OPHN1: variants seen among roughly 807,000 people sequenced by gnomAD.
The protein encoded by OPHN1 is oligophrenin 1.
OPHN1 carries 11 observed loss-of-function variants against 60.7 expected under a neutral mutation model. The observed-to-expected ratio is 0.18, with a 90% confidence interval of 0.11 to 0.30. OPHN1 has a LOEUF of 0.30. Ranked by LOEUF, OPHN1 falls within the 10% of genes least tolerant of loss-of-function variation. OPHN1 has a pLI of 1.00. For synonymous variants in OPHN1, 226 were observed against 222.6 expected, an observed-to-expected ratio of 1.02 and a Z score of -0.14; for missense variants, 449 against 611.0, an observed-to-expected ratio of 0.73 and a Z score of 2.80.
At chrX:68,288,270 T>G (rs943991894) in intron 3 of OPHN1, among the ~76,000 whole-genome samples, 1 of 111,671 alleles carries the variant, frequency 9.0e-6, no homozygotes, top group African/African-American at 3.3e-5. Flanking sequence ...GGAACTGACT[T>G]GTTCAAGGTC....
chrX:68,219,760 C>A (rs1475200522), intron 6 of OPHN1, among the ~76,000 whole-genome samples: 1 of 105,363 alleles, frequency 9.5e-6, no homozygotes, highest in Non-Finnish European at 2.0e-5. Flanking sequence ...ATACCAGAAT[C>A]TCTGGGATGC....
intron 2 of OPHN1, among the ~76,000 whole-genome samples, chrX:68,318,986 A>G (rs1317446766): frequency 9.0e-6 from 1 of 111,730 alleles, no homozygotes; most frequent in Non-Finnish European, 1.9e-5. Flanking sequence ...ACAGGTATAC[A>G]CTATCAACAT....
intron 4 of OPHN1, among the ~76,000 whole-genome samples, chrX:68,281,298 A>G (rs1021686424): frequency 4.5e-5 from 5 of 112,170 alleles, no homozygotes; most frequent in Non-Finnish European, 9.4e-5. Context: ...TCTTTGATAA[A>G]GGACAAAAGG....
intron 15 of OPHN1, among the ~76,000 whole-genome samples, chrX:68,152,612 T>C (rs2077289824): frequency 9.2e-6 from 1 of 109,283 alleles, no homozygotes; most frequent in Non-Finnish European, 1.9e-5. Context: ...CCAGCTAATT[T>C]TTGTATTATT....
chrX:68,206,529 G>T (rs373341757), intron 10 of OPHN1, 44 bp downstream of exon 10: 19 of 928,740 alleles, frequency 2.0e-5, no homozygotes, highest in Non-Finnish European at 2.8e-5. Flanking sequence ...CTGAGAAACA[G>T]TCATAGATCC....
chrX:68,313,658 G>T (rs2078184604), intron 2 of OPHN1, among the ~76,000 whole-genome samples: 1 of 111,734 alleles, frequency 8.9e-6, no homozygotes, highest in Non-Finnish European at 1.9e-5. Flanking sequence ...TTGAACTCAT[G>T]AAGATGGAGA....
At position 68,119,325 on chromosome X, in the gene OPHN1, T is replaced by C. The variant is rs753595551; in HGVS notation, c.1284A>G (p.Lys428=). The part of the protein sequence containing the change: ...QKLLNAFFDP[K]CPGDVDFHNS... ...TATGAAAATCAACATCTCCTGGGCA[T>C]TTAGGATCTATTTGAGAAAAGTAAA... Residue 428 remains lysine (K), a synonymous_variant, in exon 16 of 25, where the codon AAA becomes AAG. Transcript: ENST00000355520. The C allele has an allele frequency of 1.7e-6, 2 of 1,177,548 alleles. No individual in the cohort carries two copies. The highest frequency in any genetic ancestry group is 5.9e-5 in the East Asian group (2 of 33,680).
At chrX:68,123,303 C>T (rs2077157346) in intron 15 of OPHN1, among the ~76,000 whole-genome samples, 1 of 111,577 alleles carries the variant, frequency 9.0e-6, no homozygotes, top group African/African-American at 3.3e-5. Flanking sequence ...TCATCAATAG[C>T]AGATCTATCT....
chrX:68,314,853 G>A (rs2078191355), intron 2 of OPHN1, among the ~76,000 whole-genome samples: 1 of 109,163 alleles, frequency 9.2e-6, no homozygotes, highest in African/African-American at 3.3e-5. Flanking sequence ...GGGCATGGTG[G>A]CACATGCATA....
rs139722696 is a variant in OPHN1 at position 68,340,151 on chromosome X, C to T, written c.155-41055G>A. 3.7e-3 allele frequency among the ~76,000 whole-genome samples: 415 copies of T among 112,062 alleles called. 2 individuals carry two copies. The highest frequency in any genetic ancestry group is 0.013 in the African/African-American group (397 of 30,941). On this transcript the variant is annotated intron_variant, in intron 2 of 24. Coordinates refer to ENST00000355520, the MANE Select transcript of OPHN1 (RefSeq NM_002547.3). ...GGAAATATTCCCTCAAATTGTTCTA[C>T]GGATTTAACTGCAATGTCTAACAAA...
At chrX:68,210,492 G>A (rs1386456759) in intron 8 of OPHN1, among the ~76,000 whole-genome samples, 3 of 111,667 alleles carry the variant, frequency 2.7e-5, no homozygotes, top group Non-Finnish European at 3.8e-5. Context: ...AAAATATAAC[G>A]AGCAATATAC....
intron 23 of OPHN1, among the ~76,000 whole-genome samples, chrX:68,049,247 A>T (rs1383354502): frequency 8.9e-6 from 1 of 111,881 alleles, no homozygotes; most frequent in Admixed American, 9.5e-5. Flanking sequence ...CCCACTGAAC[A>T]TCTATCTCTA....
Position 68,093,104 on chromosome X carries a change from A to G in OPHN1, c.1686+3766T>C, listed in dbSNP as rs1277096824. On this transcript the variant is annotated intron_variant, in intron 19 of 24. Coordinates refer to ENST00000355520, the MANE Select transcript of OPHN1 (RefSeq NM_002547.3). ...TTACTATGTGGATGACCCTTCAGCA[A>G]CTCTTGCCTCAAAGTTCCTTAGCTC... 3.6e-5 allele frequency among the ~76,000 whole-genome samples: 4 copies of G among 110,741 alleles called. No individual in the cohort carries two copies. The South Asian group carries it at 1.5e-3, about 42-fold the overall frequency.
At chrX:68,057,503 A>C (rs2076877818) in intron 21 of OPHN1, among the ~76,000 whole-genome samples, 1 of 111,524 alleles carries the variant, frequency 9.0e-6, no homozygotes, top group Non-Finnish European at 1.9e-5. Context: ...TCTACCTGAA[A>C]CCATGCCTTG....
At chrX:68,204,319 G>A (rs747887289) in intron 10 of OPHN1, among the ~76,000 whole-genome samples, 4 of 111,695 alleles carry the variant, frequency 3.6e-5, no homozygotes, top group East Asian at 2.8e-4. Flanking sequence ...TGGGACCAAC[G>A]CTATAGTAAG....
intron 15 of OPHN1, among the ~76,000 whole-genome samples, chrX:68,163,370 T>C (rs1242117804): frequency 1.8e-5 from 2 of 110,593 alleles, no homozygotes; most frequent in Non-Finnish European, 3.8e-5. Flanking sequence ...ATGATGTTCA[T>C]CCATGTTGTC....
intron 3 of OPHN1, among the ~76,000 whole-genome samples, chrX:68,287,071 G>T (rs1406265984): frequency 1.1e-5 from 1 of 93,641 alleles, no homozygotes; most frequent in African/African-American, 4.3e-5. Flanking sequence ...AAGGAAGAAA[G>T]GAAGGAAGGA....
rs1355428325 is a variant in OPHN1, at chrX:68,176,964, T to TTATATATA, written c.1276+15947_1276+15954dup. 5.2e-4 allele frequency among the ~76,000 whole-genome samples: 40 copies of TTATATATA among 76,453 alleles called. 1 individual carries two copies. Among genetic ancestry groups the TTATATATA allele is most frequent in the Middle Eastern group, 6.8e-3 (1 of 148 alleles). 66.4% of individuals were successfully genotyped at this position (76,453 alleles called of 115,157 possible). A position where few individuals can be genotyped will look rare whatever the true frequency, so the allele number is the denominator to read the frequency against. On this transcript the variant is annotated intron_variant, in intron 15 of 24. Coordinates refer to ENST00000355520, the MANE Select transcript of OPHN1 (RefSeq NM_002547.3). ...AATGAATGAACAATACATATTGTTTTTATATATACATATATATATATATAT... is the reference window on the plus strand; with the variant it reads ...AATGAATGAACAATACATATTGTTTTTATATATATATATATACATATATATATATATAT...
At chrX:68,374,287 C>CAG (rs1218579791) in intron 2 of OPHN1, among the ~76,000 whole-genome samples, 1 of 103,667 alleles carries the variant, frequency 9.6e-6, no homozygotes, top group African/African-American at 3.6e-5. Context: ...ACCTGGGAGG[C>CAG]AGAGGTTGCA....
Sources: allele counts gnomAD v4.1 joint callset (sites outside exome capture counted in the v4.1 genomes callset), GRCh38; gene constraint gnomAD v4.1.1; transcripts MANE v1.5; gene names NCBI Gene and HGNC (gene_info 2026-07-23, HGNC 2026-07-21).